Variants in TIAM1 observed in about 807,000 individuals in gnomAD.
TIAM1 encodes TIAM Rac1 associated GEF 1.
TIAM1 carries 65 observed loss-of-function variants against 163.5 expected under a neutral mutation model. The ratio of observed to expected loss-of-function variants is 0.40; its 90% CI spans 0.33 to 0.49. The LOEUF is 0.49. TIAM1 is among the 20% of genes least tolerant of loss of function. The pLI is 0.77. For missense variants in TIAM1, 1,789 were observed against 2,044.7 expected, an observed-to-expected ratio of 0.87 and a Z score of 2.41; for synonymous variants, 833 against 810.1, an observed-to-expected ratio of 1.03 and a Z score of -0.48.
intron 2 of TIAM1, among the ~76,000 whole-genome samples, chr21:31,299,121 G>C (rs1227108925): frequency 6.6e-6 from 1 of 152,102 alleles, no homozygotes; most frequent in Non-Finnish European, 1.5e-5. Flanking sequence ...TTCTTGTCTT[G>C]TTTTGTTATG....
chr21:31,251,243 G>A (rs148423688), intron 5 of TIAM1, among the ~76,000 whole-genome samples: 364 of 152,294 alleles, frequency 2.4e-3, no homozygotes, highest in African/African-American at 8.4e-3. Context: ...CTCCTCTAGC[G>A]TTAACTGTGA....
At chr21:31,541,649 C>G (rs2123275977) in intron 1 of TIAM1, among the ~76,000 whole-genome samples, 1 of 152,184 alleles carries the variant, frequency 6.6e-6, no homozygotes, top group Non-Finnish European at 1.5e-5. Context: ...TGGTGTAACA[C>G]TACCTGAAAA....
At chr21:31,272,581 G>GA (rs1376154567) in intron 3 of TIAM1, among the ~76,000 whole-genome samples, 2 of 151,760 alleles carry the variant, frequency 1.3e-5, no homozygotes, top group Non-Finnish European at 2.9e-5. Context: ...GCAACCATTA[G>GA]AAAAAACTAG....
Position 31,147,787 on chromosome 21 carries a change from A to AATATATATAT in TIAM1, c.3367-794_3367-785dup, listed in dbSNP as rs373598678. On this transcript the variant is annotated intron_variant, in intron 19 of 27. Transcript: ENST00000541036. ...ATATTATATTAATATATTATATTAA[A>AATATATATAT]ATATATATATATATATATGGCCTCA... Among the ~76,000 whole-genome samples the AATATATATAT allele has an allele frequency of 3.7e-3, 523 of 139,816 alleles. 5 individuals carry two copies. Among genetic ancestry groups the AATATATATAT allele is most frequent in the African/African-American group, 0.013 (499 of 37,814 alleles). The allele number at this position is 139,816 out of a possible 152,430, so 91.7% of individuals were successfully genotyped here. A position where few individuals can be genotyped will look rare whatever the true frequency, so the allele number is the denominator to read the frequency against.
chr21:31,355,895 ACT>A (rs1242419162), intron 2 of TIAM1, among the ~76,000 whole-genome samples: 2 of 151,680 alleles, frequency 1.3e-5, no homozygotes, highest in Admixed American at 1.3e-4. Flanking sequence ...TTCTTATTTT[ACT>A]CTTTTTCTTG....
intron 16 of TIAM1, among the ~76,000 whole-genome samples, chr21:31,162,088 G>A (rs1234206077): frequency 6.6e-6 from 1 of 152,132 alleles, no homozygotes; most frequent in Non-Finnish European, 1.5e-5. Flanking sequence ...TGGACACAAG[G>A]TAGTTTTAAC....
At chr21:31,293,707 C>T (rs1231622930) in intron 2 of TIAM1, among the ~76,000 whole-genome samples, 3 of 152,202 alleles carry the variant, frequency 2.0e-5, no homozygotes, top group African/African-American at 7.2e-5. Flanking sequence ...GAGGTCGCTG[C>T]GAAGAGCGGC....
intron 2 of TIAM1, among the ~76,000 whole-genome samples, chr21:31,335,705 C>CAA (rs142300088): frequency 2.1e-5 from 3 of 143,814 alleles, no homozygotes; most frequent in African/African-American, 5.3e-5. Context: ...ACTCTGTCTC[C>CAA]AAAAAAAAAG....
rs34895602 is a variant in TIAM1 at position 31,398,158 on chromosome 21, CAAAAAAAAAA to C, written c.-368-58746_-368-58737del. Among the ~76,000 whole-genome samples, 16 of 52,520 alleles carry C rather than the reference CAAAAAAAAAA, an allele frequency of 3.0e-4. No homozygotes were observed. In the South Asian group the frequency reaches 4.6e-3, roughly 15 times the overall value. 34.5% of individuals were successfully genotyped at this position (52,520 alleles called of 152,430 possible). On this transcript the variant is annotated intron_variant, in intron 2 of 28. Transcript: ENST00000286827. Reference sequence around the variant, plus strand: ...TGCAAGCAAATGTCAATCTTCAGGGCAAAAAAAAAAAAAAAAAAAAAAGCTTTGTTCTTTA... The same window carrying C: ...TGCAAGCAAATGTCAATCTTCAGGGCAAAAAAAAAAAAGCTTTGTTCTTTA...
At chr21:31,378,997 A>C (rs116081631) in intron 2 of TIAM1, among the ~76,000 whole-genome samples, 1 of 152,288 alleles carries the variant, frequency 6.6e-6, no homozygotes, top group East Asian at 1.9e-4. Context: ...ATTGAGATGG[A>C]GTCTCGCTCT....
At chr21:31,439,004 G>A (rs2044321548) in intron 2 of TIAM1, among the ~76,000 whole-genome samples, 1 of 152,212 alleles carries the variant, frequency 6.6e-6, no homozygotes, top group African/African-American at 2.4e-5. Context: ...CTAGAGCTGT[G>A]AGAATTCAGT....
At chr21:31,317,953 CA>C (rs2075184211) in intron 2 of TIAM1, among the ~76,000 whole-genome samples, 1 of 152,194 alleles carries the variant, frequency 6.6e-6, no homozygotes, top group East Asian at 1.9e-4. Context: ...GAAATCAAAA[CA>C]TAACTAATGA....
At chr21:31,126,505 T>G (rs1237406114) in intron 26 of TIAM1, among the ~76,000 whole-genome samples, 1 of 152,014 alleles carries the variant, frequency 6.6e-6, no homozygotes, top group Non-Finnish European at 1.5e-5. Context: ...AGGCAGAGGT[T>G]GCAGTGAGCC....
chr21:31,194,924 G>T (rs1364782516), intron 13 of TIAM1, among the ~76,000 whole-genome samples: 1 of 152,170 alleles, frequency 6.6e-6, no homozygotes, highest in Non-Finnish European at 1.5e-5. Flanking sequence ...AAGCCAGTCA[G>T]ATTTATAACT....
intron 2 of TIAM1, among the ~76,000 whole-genome samples, chr21:31,443,033 G>A (rs528003111): frequency 6.6e-6 from 1 of 152,216 alleles, no homozygotes; most frequent in Non-Finnish European, 1.5e-5. Context: ...AGGATTGAAA[G>A]CAACTTTGAA....
At position 31,540,108 on chromosome 21, in the gene TIAM1, G is replaced by A. The variant is rs111574645; in HGVS notation, c.-422+18819C>T. ...CAATAAAAGGTAGGAAGTACAGGCC[G>A]GGCGCAGTGGCTCACGCCTATAATC... On this transcript the variant is annotated intron_variant, in intron 1 of 28. Coordinates refer to the TIAM1 transcript ENST00000286827. Among the ~76,000 whole-genome samples the A allele has an allele frequency of 1.2e-4, 19 of 152,244 alleles. 1 individual carries two copies. In the East Asian group the frequency reaches 2.5e-3, roughly 20 times the overall value.
intron 2 of TIAM1, among the ~76,000 whole-genome samples, chr21:31,444,709 A>G (rs1328382780): frequency 3.3e-5 from 5 of 152,222 alleles, no homozygotes; most frequent in Non-Finnish European, 2.9e-5. Flanking sequence ...TTCTAAGAAG[A>G]GAACGCAGGC....
rs368562467 is a variant in TIAM1, at chr21:31,265,090, C to T, written c.963+920G>A. ...CTCCTAGGCTCAAAGCATCCCCCTG[C>T]GTCAGCCACCAAGCCGGCTCAACTG... On this transcript the variant is annotated intron_variant, in intron 4 of 27. Coordinates refer to ENST00000541036, the MANE Select transcript of TIAM1 (RefSeq NM_001353694.2). 4.6e-5 allele frequency among the ~76,000 whole-genome samples: 7 copies of T among 152,178 alleles called. No individual in the cohort carries two copies. In the East Asian group the frequency reaches 1.4e-3, roughly 29 times the overall value.
At chr21:31,508,250 A>C (rs1466740174) in intron 1 of TIAM1, among the ~76,000 whole-genome samples, 1 of 152,122 alleles carries the variant, frequency 6.6e-6, no homozygotes, top group African/African-American at 2.4e-5. Context: ...CTTCCCCTCC[A>C]TGGTACTCTG....
Sources: gnomAD v4.1 joint callset for allele counts (sites outside exome capture counted in the v4.1 genomes callset) on GRCh38, gnomAD v4.1.1 for gene constraint, MANE v1.5 for transcripts, NCBI Gene and HGNC (gene_info 2026-07-23, HGNC 2026-07-21) for gene names.